The following SLC25A21 variants were observed in gnomAD, a reference collection of about 807,000 sequenced individuals.
SLC25A21 encodes the protein solute carrier family 25 member 21, also known as mitochondrial 2-oxodicarboxylate carrier.
Under a neutral mutation model 43.8 loss-of-function variants are expected in SLC25A21, and 47 were observed. That is an observed-to-expected ratio of 1.07 (90% CI 0.85 to 1.37). The LOEUF (loss-of-function observed/expected upper bound fraction) is 1.37. Ranked by LOEUF, SLC25A21 falls within the 40% of genes most tolerant of loss-of-function variation. The pLI is 0.00. For synonymous variants in SLC25A21, 131 were observed against 121.3 expected, an observed-to-expected ratio of 1.08 and a Z score of -0.52; for missense variants, 352 against 350.2, an observed-to-expected ratio of 1.00 and a Z score of -0.04.
At chr14:37,160,179 T>C (rs1963914486) in intron 1 of SLC25A21, among the ~76,000 whole-genome samples, 1 of 152,026 alleles carries the variant, frequency 6.6e-6, no homozygotes, top group African/African-American at 2.4e-5. Flanking sequence ...AAACTAAAAA[T>C]AGAATTACCA....
intron 1 of SLC25A21, among the ~76,000 whole-genome samples, chr14:37,066,046 G>A (rs1962054420): frequency 6.6e-6 from 1 of 152,156 alleles, no homozygotes; most frequent in African/African-American, 2.4e-5. Context: ...GAACCCACAA[G>A]CTGCTTATTA....
intron 1 of SLC25A21, among the ~76,000 whole-genome samples, chr14:37,166,795 G>A (rs1964036715): frequency 6.6e-6 from 1 of 152,190 alleles, no homozygotes; most frequent in Admixed American, 6.5e-5. Flanking sequence ...ATGAAGCTAG[G>A]AAAGTTCTTT....
At chr14:36,863,801 C>T (rs191027609) in intron 2 of SLC25A21, among the ~76,000 whole-genome samples, 1 of 152,328 alleles carries the variant, frequency 6.6e-6, no homozygotes, top group Non-Finnish European at 1.5e-5. Context: ...AGTGGGCGTG[C>T]GTGGAGCACT....
intron 1 of SLC25A21, among the ~76,000 whole-genome samples, chr14:37,148,352 T>C (rs545652228): frequency 1.3e-5 from 2 of 152,216 alleles, no homozygotes; most frequent in Non-Finnish European, 2.9e-5. Flanking sequence ...ATTGATTGTA[T>C]GTCAGATTTC....
At chr14:36,705,074 G>A (rs1566516761) in intron 7 of SLC25A21, among the ~76,000 whole-genome samples, 1 of 151,818 alleles carries the variant, frequency 6.6e-6, no homozygotes, top group African/African-American at 2.4e-5. Context: ...TTTTTGAGAC[G>A]GATCTCACTC....
At chr14:36,837,190 C>T (rs1889237928) in intron 2 of SLC25A21, among the ~76,000 whole-genome samples, 1 of 151,708 alleles carries the variant, frequency 6.6e-6, no homozygotes, top group East Asian at 1.9e-4. Context: ...TGGGGACTCA[C>T]CAAGAAATTA....
intron 1 of SLC25A21, among the ~76,000 whole-genome samples, chr14:37,099,608 C>G (rs1246701368): frequency 6.6e-6 from 1 of 152,108 alleles, no homozygotes; most frequent in Non-Finnish European, 1.5e-5. Context: ...CCGACTCCCC[C>G]TCACCCAGGT....
rs1450883969 is a variant in SLC25A21 at position 36,680,079 on chromosome 14, C to A, written c.*579G>T. 1.3e-5 allele frequency: 11 copies of A among 876,970 alleles called. No homozygotes were observed. In the African/African-American group the frequency reaches 1.6e-4, roughly 13 times the overall value. The allele number at this position is 876,970 out of a possible 1,614,324, so 54.3% of individuals were successfully genotyped here. A position where few individuals can be genotyped will look rare whatever the true frequency, so the allele number is the denominator to read the frequency against. ...ATATGTGCATAGTTACTAAAAAAAACCAACAGATTTACATTTTAACATAGT... is the reference window on the plus strand; with the variant it reads ...ATATGTGCATAGTTACTAAAAAAAAACAACAGATTTACATTTTAACATAGT... On this transcript the variant is annotated 3_prime_UTR_variant, in exon 10 of 10. Transcript: ENST00000331299.
At chr14:37,159,057 A>C (rs1242183013) in intron 1 of SLC25A21, among the ~76,000 whole-genome samples, 1 of 152,070 alleles carries the variant, frequency 6.6e-6, no homozygotes, top group Non-Finnish European at 1.5e-5. Flanking sequence ...AAGGAAAACT[A>C]CAAAACACTG....
chr14:36,876,298 C>G (rs1026596930), intron 1 of SLC25A21, among the ~76,000 whole-genome samples: 1 of 152,162 alleles, frequency 6.6e-6, no homozygotes, highest in East Asian at 1.9e-4. Context: ...TCTGCAGAAG[C>G]CTTAGGAAGT....
chr14:37,157,878 T>A (rs1321425605), intron 1 of SLC25A21, among the ~76,000 whole-genome samples: 3 of 152,022 alleles, frequency 2.0e-5, no homozygotes, highest in East Asian at 3.9e-4. Flanking sequence ...GATCCAAATA[T>A]ACAAAATCAA....
chr14:36,734,306 A>G (rs1884944757), intron 4 of SLC25A21, among the ~76,000 whole-genome samples: 1 of 152,178 alleles, frequency 6.6e-6, no homozygotes, highest in African/African-American at 2.4e-5. Flanking sequence ...GAATGCTTTT[A>G]CCTGATTAAA....
chr14:36,991,869 T>C (rs1960271340), intron 1 of SLC25A21, among the ~76,000 whole-genome samples: 1 of 152,206 alleles, frequency 6.6e-6, no homozygotes, highest in Non-Finnish European at 1.5e-5. Flanking sequence ...CAAGTGCTTC[T>C]TGGACTGTTT....
chr14:37,114,697 T>A (rs11846358), intron 1 of SLC25A21, among the ~76,000 whole-genome samples: 121,512 of 152,026 alleles, frequency 0.8, 51,391 homozygotes, highest in South Asian at 0.95. Context: ...GTATGTGTGA[T>A]CCTTACAGAA....
At chr14:36,824,022 C>T (rs1193404514) in intron 2 of SLC25A21, among the ~76,000 whole-genome samples, 1 of 152,172 alleles carries the variant, frequency 6.6e-6, no homozygotes, top group East Asian at 1.9e-4. Context: ...AGCCACTCTA[C>T]AGAAAGTATG....
At chr14:36,904,689 CAA>C (rs1891487362) in intron 1 of SLC25A21, among the ~76,000 whole-genome samples, 1 of 152,156 alleles carries the variant, frequency 6.6e-6, no homozygotes, top group South Asian at 2.1e-4. Context: ...CACAATGTGG[CAA>C]GAGAGAGTGT....
At chr14:37,005,566 A>G (rs1960584823) in intron 1 of SLC25A21, among the ~76,000 whole-genome samples, 1 of 152,238 alleles carries the variant, frequency 6.6e-6, no homozygotes, top group Non-Finnish European at 1.5e-5. Context: ...GTTCACTTAT[A>G]TAGTTATCAT....
intron 7 of SLC25A21, among the ~76,000 whole-genome samples, chr14:36,687,770 G>T (rs1048066616): frequency 1.3e-5 from 2 of 152,126 alleles, no homozygotes; most frequent in African/African-American, 4.8e-5. Context: ...TCCTCTCCTG[G>T]CCACTGCCAC....
rs1397904925 is a variant in SLC25A21, at chr14:36,776,234, C to CTTTTT, written c.203+37683_203+37684insAAAAA. On this transcript the variant is annotated intron_variant, in intron 3 of 9. Transcript: ENST00000331299. ...CTTTCTTTTTTCTTTTTCTTTCTTT[C>CTTTTT]TTTCTTTTTTTTTTTTTTTTGAGAT... is the stretch of plus-strand genomic sequence containing the variant. 4.6e-4 allele frequency among the ~76,000 whole-genome samples: 35 copies of CTTTTT among 75,760 alleles called. 3 individuals carry two copies. Among genetic ancestry groups the CTTTTT allele is most frequent in the African/African-American group, 1.7e-3 (30 of 17,576 alleles). 49.7% of individuals were successfully genotyped at this position (75,760 alleles called of 152,430 possible).
Sources: gnomAD v4.1 joint callset for allele counts (sites outside exome capture counted in the v4.1 genomes callset) on GRCh38, gnomAD v4.1.1 for gene constraint, MANE v1.5 for transcripts, NCBI Gene and HGNC (gene_info 2026-07-23, HGNC 2026-07-21) for gene names.